LRMDA: variants seen among roughly 807,000 people sequenced by gnomAD.
The protein encoded by LRMDA is leucine-rich melanocyte differentiation-associated protein.
LRMDA carries 18 observed loss-of-function variants against 29.8 expected under a neutral mutation model. The ratio of observed to expected loss-of-function variants is 0.60; its 90% CI spans 0.42 to 0.90. The LOEUF (loss-of-function observed/expected upper bound fraction) is 0.90. Ranked by LOEUF, LRMDA falls within the 40% of genes least tolerant of loss-of-function variation. The pLI is 0.00. For missense variants in LRMDA, 273 were observed against 273.9 expected (o/e 1.00, Z 0.02); for synonymous variants, 125 against 109.4 (o/e 1.14, Z -0.89).
At chr10:75,717,188 G>T (rs1842511650) in intron 2 of LRMDA, among the ~76,000 whole-genome samples, 1 of 152,216 alleles carries the variant, frequency 6.6e-6, no homozygotes, top group East Asian at 1.9e-4. Context: ...AAGAGGGCTA[G>T]TGGAGCTCAG....
intron 6 of LRMDA, among the ~76,000 whole-genome samples, chr10:76,434,798 T>G (rs1247607216): frequency 1.3e-5 from 2 of 152,242 alleles, no homozygotes. Context: ...GATATATGTA[T>G]GTGTGTGTGA....
intron 6 of LRMDA, among the ~76,000 whole-genome samples, chr10:76,406,045 C>T (rs1841898468): frequency 6.6e-6 from 1 of 152,188 alleles, no homozygotes; most frequent in South Asian, 2.1e-4. Context: ...GCGAGGAAAA[C>T]CCACAAATTG....
At chr10:76,352,976 A>C in intron 6 of LRMDA, among the ~76,000 whole-genome samples, 1 of 152,094 alleles carries the variant, frequency 6.6e-6, no homozygotes, top group Non-Finnish European at 1.5e-5. Context: ...AAGATCAAAC[A>C]AGAAAACTGG....
intron 2 of LRMDA, among the ~76,000 whole-genome samples, chr10:75,755,504 T>G (rs1364472385): frequency 6.6e-6 from 1 of 152,190 alleles, no homozygotes; most frequent in African/African-American, 2.4e-5. Flanking sequence ...GACAAAGGTA[T>G]AAACAAGACA....
intron 6 of LRMDA, among the ~76,000 whole-genome samples, chr10:76,451,390 A>G (rs913409667): frequency 6.6e-6 from 1 of 151,814 alleles, no homozygotes; most frequent in South Asian, 2.1e-4. Context: ...TATTTTCAGT[A>G]CAGACGGGGT....
chr10:75,858,877 G>A (rs752919384), intron 2 of LRMDA, among the ~76,000 whole-genome samples: 2 of 152,148 alleles, frequency 1.3e-5, no homozygotes, highest in Non-Finnish European at 2.9e-5. Flanking sequence ...ACCACATTAG[G>A]AATTTGCTAC....
At chr10:76,485,188 T>C (rs1842769708) in intron 6 of LRMDA, among the ~76,000 whole-genome samples, 1 of 151,894 alleles carries the variant, frequency 6.6e-6, no homozygotes, top group African/African-American at 2.4e-5. Context: ...CTTTTCCACT[T>C]ATTGAACTTG....
chr10:75,436,733 T>G (rs1161685012), intron 1 of LRMDA, among the ~76,000 whole-genome samples: 1 of 152,042 alleles, frequency 6.6e-6, no homozygotes, highest in Non-Finnish European at 1.5e-5. Context: ...CTTCCCAAAG[T>G]GCTGGGACTA....
chr10:75,574,052 C>T (rs1315973629), intron 2 of LRMDA, among the ~76,000 whole-genome samples: 1 of 151,764 alleles, frequency 6.6e-6, no homozygotes, highest in Non-Finnish European at 1.5e-5. Context: ...TTTCTTTTGT[C>T]CCCCTTTTTA....
chr10:76,243,514 G>C (rs1450796467), intron 5 of LRMDA, among the ~76,000 whole-genome samples: 1 of 152,150 alleles, frequency 6.6e-6, no homozygotes, highest in East Asian at 1.9e-4. Flanking sequence ...TTGATGTTTA[G>C]AAGCAATGGC....
intron 1 of LRMDA, among the ~76,000 whole-genome samples, chr10:75,437,597 G>A (rs954068120): frequency 5.3e-5 from 8 of 152,210 alleles, no homozygotes; most frequent in African/African-American, 1.9e-4. Context: ...GATTAGGGTA[G>A]TGAGAAAGTC....
At chr10:76,203,335 A>T (rs529493482) in intron 5 of LRMDA, among the ~76,000 whole-genome samples, 1 of 152,308 alleles carries the variant, frequency 6.6e-6, no homozygotes, top group Admixed American at 6.5e-5. Flanking sequence ...ACTGCGTCTC[A>T]CTCACTGTGT....
chr10:76,453,111 C>T (rs1164031224), intron 6 of LRMDA, among the ~76,000 whole-genome samples: 11 of 152,158 alleles, frequency 7.2e-5, no homozygotes, highest in Admixed American at 6.5e-4. Flanking sequence ...ATTTCTAAAG[C>T]ACAGTTAAAG....
intron 2 of LRMDA, among the ~76,000 whole-genome samples, chr10:75,938,263 G>A (rs1846329172): frequency 1.3e-5 from 2 of 152,172 alleles, no homozygotes; most frequent in Non-Finnish European, 2.9e-5. Flanking sequence ...AGTAACAGGA[G>A]CTTGATTACT....
chr10:76,396,615 G>C (rs1284165633), intron 6 of LRMDA: 2 of 152,324 alleles, frequency 1.3e-5, no homozygotes, highest in Non-Finnish European at 2.9e-5. Flanking sequence ...AATGATTAAA[G>C]AGCCGGTGAT....
intron 5 of LRMDA, among the ~76,000 whole-genome samples, chr10:76,299,543 C>T (rs921051021): frequency 1.3e-5 from 2 of 151,788 alleles, no homozygotes; most frequent in Non-Finnish European, 2.9e-5. Flanking sequence ...TATACTTGCT[C>T]TGCTCTGCTT....
At chr10:76,305,589 T>A (rs1840544482) in intron 5 of LRMDA, among the ~76,000 whole-genome samples, 1 of 152,188 alleles carries the variant, frequency 6.6e-6, no homozygotes, top group South Asian at 2.1e-4. Context: ...GGGTAGTGTT[T>A]CTTTAGAAAA....
At chr10:75,822,798 T>A (rs1294788228) in intron 2 of LRMDA, among the ~76,000 whole-genome samples, 1 of 152,122 alleles carries the variant, frequency 6.6e-6, no homozygotes, top group Non-Finnish European at 1.5e-5. Flanking sequence ...GAGAGCTCAA[T>A]GTAGCCTCAA....
chr10:75,837,996 AATTGAAATGT>A (rs2132297797), intron 2 of LRMDA, among the ~76,000 whole-genome samples: 1 of 152,270 alleles, frequency 6.6e-6, no homozygotes, highest in African/African-American at 2.4e-5. Flanking sequence ...TTTTCAACTG[AATTGAAATGT>A]ATTTTCAATT....
Sources: allele counts gnomAD v4.1 joint callset (sites outside exome capture counted in the v4.1 genomes callset), GRCh38; gene constraint gnomAD v4.1.1; transcripts MANE v1.5; gene names NCBI Gene and HGNC (gene_info 2026-07-23, HGNC 2026-07-21).